Variants in MCF2L2 observed in about 807,000 individuals in gnomAD.
MCF2L2 encodes the protein probable guanine nucleotide exchange factor MCF2L2.
Under a neutral mutation model 150.2 loss-of-function variants are expected in MCF2L2, and 102 were observed. That is an observed-to-expected ratio of 0.68 (90% CI 0.58 to 0.80). The LOEUF is 0.80. Ranked by LOEUF, MCF2L2 falls within the 30% of genes least tolerant of loss-of-function variation. The pLI is 0.00. For missense variants in MCF2L2, 1,256 were observed against 1,372.8 expected, an observed-to-expected ratio of 0.91 and a Z score of 1.34; for synonymous variants, 465 against 491.3, an observed-to-expected ratio of 0.95 and a Z score of 0.71.
intron 14 of MCF2L2, among the ~76,000 whole-genome samples, chr3:183,277,459 CT>C (rs78674214): frequency 9.0e-4 from 131 of 146,330 alleles, no homozygotes; most frequent in Admixed American, 2.6e-3. Flanking sequence ...TCAACATCTC[CT>C]TTTTTTTTTT....
chr3:183,337,041 T>C (rs1333542495), intron 5 of MCF2L2, among the ~76,000 whole-genome samples: 1 of 152,192 alleles, frequency 6.6e-6, no homozygotes, highest in Non-Finnish European at 1.5e-5. Context: ...GTTCAGTGTC[T>C]AGCTTCTTTC....
intron 5 of MCF2L2, among the ~76,000 whole-genome samples, chr3:183,327,145 T>G (rs1316740915): frequency 1.3e-5 from 2 of 151,948 alleles, no homozygotes. Context: ...ACCAACATGG[T>G]GAAACCCTGT....
chr3:183,332,558 T>C (rs759082527), intron 5 of MCF2L2, among the ~76,000 whole-genome samples: 2 of 152,190 alleles, frequency 1.3e-5, no homozygotes, highest in Non-Finnish European at 2.9e-5. Context: ...ATGTATCATA[T>C]GTATAAAACA....
At chr3:183,352,522 C>CA (rs1408459816) in intron 3 of MCF2L2, among the ~76,000 whole-genome samples, 10 of 150,876 alleles carry the variant, frequency 6.6e-5, no homozygotes, top group East Asian at 1.9e-4. Flanking sequence ...GACTTTGTCT[C>CA]AAAAAAAAAG....
In MCF2L2 at chr3:183,178,150, G is replaced by C. The variant is rs933585338; in HGVS notation, c.*1230C>G. 1 of 152,202 alleles carries C rather than the reference G, an allele frequency of 6.6e-6. No homozygotes were observed. Among genetic ancestry groups the C allele is most frequent in the African/African-American group, 2.4e-5 (1 of 41,446 alleles). The allele number at this position is 152,202 out of a possible 1,614,324, so 9.4% of individuals were successfully genotyped here. A position where few individuals can be genotyped will look rare whatever the true frequency, so the allele number is the denominator to read the frequency against. ...AATAACTATGAAGGTAAATAACTCAGATAATAATTGTAAAGATAATTAAAA... is the reference window on the plus strand; with the variant it reads ...AATAACTATGAAGGTAAATAACTCACATAATAATTGTAAAGATAATTAAAA... On this transcript the variant is annotated 3_prime_UTR_variant, in exon 30 of 30. Transcript: ENST00000328913.
intron 1 of MCF2L2, among the ~76,000 whole-genome samples, chr3:183,420,285 T>C (rs1715809289): frequency 6.6e-6 from 1 of 152,172 alleles, no homozygotes; most frequent in Non-Finnish European, 1.5e-5. Context: ...TTCTCTGTAT[T>C]AGTCTGTTTC....
At chr3:183,300,909 G>C (rs1728809555) in intron 10 of MCF2L2, among the ~76,000 whole-genome samples, 1 of 151,616 alleles carries the variant, frequency 6.6e-6, no homozygotes, top group South Asian at 2.1e-4. Context: ...CAACTACTCA[G>C]GAGGCTGAGG....
At chr3:183,395,607 C>T (rs1714391510) in intron 1 of MCF2L2, among the ~76,000 whole-genome samples, 1 of 152,082 alleles carries the variant, frequency 6.6e-6, no homozygotes, top group Non-Finnish European at 1.5e-5. Flanking sequence ...ACTGATGTAA[C>T]CATCAAACAG....
chr3:183,339,395 C>A (rs952686565), intron 4 of MCF2L2, among the ~76,000 whole-genome samples: 2 of 152,040 alleles, frequency 1.3e-5, no homozygotes, highest in Non-Finnish European at 2.9e-5. Flanking sequence ...TTAATAAATT[C>A]TTTGGAAATA....
At chr3:183,291,116 T>G (rs1195268024) in intron 13 of MCF2L2, among the ~76,000 whole-genome samples, 1 of 151,918 alleles carries the variant, frequency 6.6e-6, no homozygotes, top group Non-Finnish European at 1.5e-5. Flanking sequence ...TTTGGGCTCC[T>G]CCCTCTCTGT....
intron 3 of MCF2L2, chr3:183,374,504 C>T (rs1713075099): frequency 6.6e-6 from 1 of 151,998 alleles, no homozygotes; most frequent in Non-Finnish European, 1.5e-5. Context: ...TCCGTCTCTC[C>T]TAAAAATACA....
At position 183,318,100 on chromosome 3, in the gene MCF2L2, T is replaced by C. The variant is rs1325956505; in HGVS notation, c.721A>G (p.Met241Val). The change falls in exon 7 of 30, where the codon ATG becomes GTG. Residue 241 changes from methionine to valine, a missense_variant. Physicochemically the swap from Met to Val is conservative, Grantham distance 21. Coordinates refer to ENST00000328913, the MANE Select transcript of MCF2L2 (RefSeq NM_015078.4). ...RSMLSTEDLL[M>V]SHTRQRDKLQ... ...TTGTCCCGCTGCCTTGTGTGGGACA[T>C]GAGAAGGTCTTCCGTGGATAGCATG... The C allele has an allele frequency of 1.2e-6, 2 of 1,614,112 alleles. No individual in the cohort carries two copies. Among genetic ancestry groups the C allele is most frequent in the Non-Finnish European group, 1.7e-6 (2 of 1,179,998 alleles).
At chr3:183,216,208 G>T (rs1722904296) in intron 21 of MCF2L2, 114 bp from the exon 22 acceptor site, 1 of 1,135,960 alleles carries the variant, frequency 8.8e-7, no homozygotes, top group Non-Finnish European at 1.3e-6. Flanking sequence ...ACTGAGAAGG[G>T]TGGATATTGA....
chr3:183,209,250 G>A (rs141224970), intron 22 of MCF2L2, among the ~76,000 whole-genome samples: 26 of 152,248 alleles, frequency 1.7e-4, no homozygotes, highest in African/African-American at 6.3e-4. Flanking sequence ...CATAAATAGT[G>A]CAGGAAATAT....
intron 15 of MCF2L2, among the ~76,000 whole-genome samples, chr3:183,263,995 G>A (rs903130993): frequency 2.0e-5 from 3 of 152,002 alleles, no homozygotes; most frequent in African/African-American, 7.3e-5. Flanking sequence ...AGAAACCAGC[G>A]TCCTGATCTT....
At chr3:183,206,975 G>GGAAGGAAGGAAGGA (rs1722513217) in intron 23 of MCF2L2, among the ~76,000 whole-genome samples, 1 of 12,470 alleles carries the variant, frequency 8.0e-5, no homozygotes, top group African/African-American at 1.9e-4. Context: ...GGAAGGAAGG[G>GGAAGGAAGGAAGGA]AGGGAGGGAG....
At chr3:183,297,539 AGAG>A (rs1297020027) in intron 11 of MCF2L2, 2 of 191,778 alleles carry the variant, frequency 1.0e-5, no homozygotes, top group Non-Finnish European at 2.2e-5. Context: ...TGCAGCCTGG[AGAG>A]GTCTACCCCA....
intron 14 of MCF2L2, chr3:183,287,654 A>C (rs773508300): frequency 1.3e-5 from 2 of 152,220 alleles, no homozygotes; most frequent in Admixed American, 6.5e-5. Context: ...TAACTTGAGA[A>C]AACATGGTGA....
rs1723212928 is a variant in MCF2L2, at chr3:183,223,345, C to G, written c.2301+1G>C. On this transcript the variant is annotated splice_donor_variant, in intron 20 of 29. Transcript: ENST00000328913. LOFTEE classifies it high-confidence loss of function. ...GAAAAGCACTGTCTCATTGATTTTACCTTCAACAGCATCTGGTATTTTATA... is the reference window on the plus strand; with the variant it reads ...GAAAAGCACTGTCTCATTGATTTTAGCTTCAACAGCATCTGGTATTTTATA... 2 of 1,611,228 alleles carry G rather than the reference C, an allele frequency of 1.2e-6. No individual in the cohort carries two copies. Among genetic ancestry groups the G allele is most frequent in the Non-Finnish European group, 8.5e-7 (1 of 1,177,404 alleles).
Sources: allele counts gnomAD v4.1 joint callset (sites outside exome capture counted in the v4.1 genomes callset), GRCh38; gene constraint gnomAD v4.1.1; transcripts MANE v1.5; gene names NCBI Gene and HGNC (gene_info 2026-07-23, HGNC 2026-07-21).